Variants in AGBL4 observed in about 807,000 individuals in gnomAD.
AGBL4 encodes the protein cytosolic carboxypeptidase 6.
In AGBL4, 58 loss-of-function variants were observed where a neutral mutation model predicts 66.4. The ratio of observed to expected loss-of-function variants is 0.87; its 90% CI spans 0.71 to 1.09. The LOEUF is 1.09. Among genes scored for constraint, AGBL4 ranks in the 50% least tolerant of loss-of-function variants. The probability of loss-of-function intolerance (pLI) is 0.00; values close to 1 mark genes in which losing one functional copy is unlikely to be tolerated. For synonymous variants in AGBL4, 234 were observed against 222.9 expected (o/e 1.05, Z -0.44); for missense variants, 579 against 631.0 (o/e 0.92, Z 0.88).
chr1:49,143,313 C>A (rs1646154082), intron 4 of AGBL4, among the ~76,000 whole-genome samples: 1 of 152,154 alleles, frequency 6.6e-6, no homozygotes, highest in Non-Finnish European at 1.5e-5. Flanking sequence ...GTAACATCTC[C>A]TCATGAATAT....
chr1:49,191,326 C>T (rs1038672309), intron 4 of AGBL4, among the ~76,000 whole-genome samples: 8 of 152,186 alleles, frequency 5.3e-5, no homozygotes, highest in African/African-American at 1.4e-4. Context: ...ACAAGATGCA[C>T]ATTTAGTCCA....
chr1:49,518,559 C>T (rs576375517), intron 3 of AGBL4, among the ~76,000 whole-genome samples: 2 of 151,966 alleles, frequency 1.3e-5, no homozygotes, highest in East Asian at 1.9e-4. Flanking sequence ...TTTCGTACAC[C>T]CTTGCTGTGT....
intron 3 of AGBL4, among the ~76,000 whole-genome samples, chr1:49,500,103 A>C (rs1488622278): frequency 6.6e-6 from 1 of 151,892 alleles, no homozygotes; most frequent in Non-Finnish European, 1.5e-5. Context: ...TTGTGGTTTT[A>C]ATTAGCATTT....
At chr1:49,013,525 A>G (rs1030758215) in intron 5 of AGBL4, among the ~76,000 whole-genome samples, 1 of 152,134 alleles carries the variant, frequency 6.6e-6, no homozygotes, top group Non-Finnish European at 1.5e-5. Context: ...TACCCAGGCA[A>G]CCTTCCAATT....
At chr1:49,520,933 C>A (rs1330765529) in intron 3 of AGBL4, among the ~76,000 whole-genome samples, 1 of 151,692 alleles carries the variant, frequency 6.6e-6, no homozygotes, top group African/African-American at 2.4e-5. Context: ...CTCAGCCTCC[C>A]GAGTAGCTGG....
the AGBL4 span, among the ~76,000 whole-genome samples, chr1:48,525,136 T>C: frequency 6.6e-6 from 1 of 152,196 alleles, no homozygotes; most frequent in African/African-American, 2.4e-5. Flanking sequence ...CTAAGGCTCT[T>C]GGGCCCCATA....
intron 2 of AGBL4, among the ~76,000 whole-genome samples, chr1:49,798,041 T>C (rs1644773381): frequency 6.6e-6 from 1 of 152,134 alleles, no homozygotes; most frequent in South Asian, 2.1e-4. Flanking sequence ...TGAGCCACCT[T>C]GCCCGGCCAA....
intron 3 of AGBL4, among the ~76,000 whole-genome samples, chr1:49,325,919 C>T (rs1287232897): frequency 6.6e-6 from 1 of 152,208 alleles, no homozygotes; most frequent in African/African-American, 2.4e-5. Flanking sequence ...ACTTTTCAGT[C>T]TGCCTTTGCC....
At position 48,534,979 on chromosome 1, in the gene AGBL4, G is replaced by A; in HGVS notation, c.1365-63C>T. On this transcript the variant is annotated intron_variant, in intron 12 of 13. Transcript: ENST00000371839. ...TAGGCTCTAGTAAATGGAAGTTGAA[G>A]AGGTGCTATTCATCTGTCATTGAAG... 2.1e-6 allele frequency: 3 copies of A among 1,416,808 alleles called. No homozygotes were observed. The South Asian group carries it at 3.7e-5, about 17-fold the overall frequency. 87.8% of individuals were successfully genotyped at this position (1,416,808 alleles called of 1,614,324 possible).
intron 1 of AGBL4, among the ~76,000 whole-genome samples, chr1:49,890,645 G>C (rs1332754592): frequency 6.6e-6 from 1 of 152,146 alleles, no homozygotes; most frequent in African/African-American, 2.4e-5. Flanking sequence ...CTTGCATTTA[G>C]ATAAGGTCAT....
At chr1:49,665,641 CA>C (rs1181389711) in intron 3 of AGBL4, among the ~76,000 whole-genome samples, 1 of 151,824 alleles carries the variant, frequency 6.6e-6, no homozygotes, top group South Asian at 2.1e-4. Flanking sequence ...TGTCTCCATG[CA>C]AAAAAAGTTC....
At chr1:48,540,984 A>G (rs12090956) in intron 11 of AGBL4, among the ~76,000 whole-genome samples, 12,861 of 152,158 alleles carry the variant, frequency 0.085, 633 homozygotes, top group South Asian at 0.11. Context: ...GTTACCTTCA[A>G]AGTCCAAATC....
At chr1:48,560,935 A>C (rs1328781953) in intron 11 of AGBL4, among the ~76,000 whole-genome samples, 1 of 152,230 alleles carries the variant, frequency 6.6e-6, no homozygotes, top group African/African-American at 2.4e-5. Flanking sequence ...ATAAATTCCC[A>C]AGCTCCTTTA....
chr1:49,681,224 T>G (rs1033844336), intron 3 of AGBL4, among the ~76,000 whole-genome samples: 3 of 152,226 alleles, frequency 2.0e-5, no homozygotes, highest in African/African-American at 7.2e-5. Flanking sequence ...GGTTATCTTT[T>G]GTGTTTCAAG....
chr1:49,594,432 G>A (rs537722142), intron 3 of AGBL4, among the ~76,000 whole-genome samples: 36 of 152,248 alleles, frequency 2.4e-4, no homozygotes, highest in Middle Eastern at 6.8e-3. Flanking sequence ...TGCCATGGGT[G>A]GTTTGCTGCA....
At chr1:49,305,854 C>T (rs1644840278) in intron 3 of AGBL4, among the ~76,000 whole-genome samples, 1 of 152,114 alleles carries the variant, frequency 6.6e-6, no homozygotes, top group Non-Finnish European at 1.5e-5. Flanking sequence ...CCACGCCCGG[C>T]TAATTTTGTA....
intron 3 of AGBL4, among the ~76,000 whole-genome samples, chr1:49,458,273 G>A (rs1646434716): frequency 6.6e-6 from 1 of 151,522 alleles, no homozygotes; most frequent in South Asian, 2.1e-4. Context: ...TCACCTCCTT[G>A]TTTAGGTATA....
intron 3 of AGBL4, among the ~76,000 whole-genome samples, chr1:49,475,746 T>C (rs1399645121): frequency 2.6e-5 from 4 of 152,242 alleles, no homozygotes; most frequent in African/African-American, 9.6e-5. Context: ...CTGAGGATCT[T>C]TTGTATTTCT....
At chr1:49,633,401 A>G (rs772416720) in intron 3 of AGBL4, among the ~76,000 whole-genome samples, 29 of 152,366 alleles carry the variant, frequency 1.9e-4, no homozygotes, top group Admixed American at 7.2e-4. Context: ...TTAAAATATG[A>G]ATACTAGAAT....
Sources: gnomAD v4.1 joint callset for allele counts (sites outside exome capture counted in the v4.1 genomes callset) on GRCh38, gnomAD v4.1.1 for gene constraint, MANE v1.5 for transcripts, NCBI Gene and HGNC (gene_info 2026-07-23, HGNC 2026-07-21) for gene names.